Variants in BUB1B observed in about 807,000 individuals in gnomAD.
BUB1B encodes the protein mitotic checkpoint serine/threonine-protein kinase BUB1 beta.
BUB1B carries 86 observed loss-of-function variants against 137.7 expected under a neutral mutation model. The observed-to-expected ratio is 0.62, with a 90% CI of 0.52 to 0.75. The LOEUF is 0.75. BUB1B is among the 30% of genes least tolerant of loss of function. The pLI is 0.00. For synonymous variants in BUB1B, 420 were observed against 417.9 expected (o/e 1.00, Z -0.06); for missense variants, 1,130 against 1,236.9 (o/e 0.91, Z 1.30).
At position 40,161,243 on chromosome 15, in the gene BUB1B, G is replaced by T. The variant is rs554782320; in HGVS notation, c.23G>T (p.Gly8Val). MAAVKKE[G>V]GALSEAMSLE... ...AGGATGGCGGCGGTGAAGAAGGAAG[G>T]GGGTGCTCTGAGGTAGGTACGGGAG... The change falls in exon 1 of 23, where the codon GGG becomes GTG. Residue 8 changes from glycine to valine, a missense_variant. Coordinates refer to ENST00000287598, the MANE Select transcript of BUB1B (RefSeq NM_001211.6). The T allele has an allele frequency of 1.9e-6, 3 of 1,613,146 alleles. No individual in the cohort carries two copies. The South Asian group carries it at 3.3e-5, about 18-fold the overall frequency.
intron 8 of BUB1B, among the ~76,000 whole-genome samples, chr15:40,186,639 G>T (rs1158318275): frequency 6.6e-6 from 1 of 150,514 alleles, no homozygotes; most frequent in African/African-American, 2.4e-5. Flanking sequence ...TGGACACGGG[G>T]TTTCACCGTG....
At chr15:40,185,037 A>AT in intron 6 of BUB1B, 128 bp from the exon 7 acceptor site, 1 of 738,082 alleles carries the variant, frequency 1.4e-6, no homozygotes, top group Non-Finnish European at 2.2e-6. Flanking sequence ...TATTTTTAAA[A>AT]TTTCTTTTTT....
intron 4 of BUB1B, among the ~76,000 whole-genome samples, chr15:40,176,045 C>T (rs186703915): frequency 1.0e-3 from 157 of 152,188 alleles, no homozygotes; most frequent in Admixed American, 9.2e-3. Context: ...AACTCTTGGG[C>T]TCAAGTGATT....
At chr15:40,213,682 C>T (rs907698590) in intron 20 of BUB1B, among the ~76,000 whole-genome samples, 1 of 152,038 alleles carries the variant, frequency 6.6e-6, no homozygotes, top group Non-Finnish European at 1.5e-5. Context: ...ACCACAGGCG[C>T]GCACCACCAC....
chr15:40,184,312 C>CTT (rs566826994), intron 6 of BUB1B, among the ~76,000 whole-genome samples: 9,106 of 144,666 alleles, frequency 0.063, 888 homozygotes, highest in African/African-American at 0.21. Flanking sequence ...TTAACATGGA[C>CTT]TTTTTTTTTT....
At chr15:40,189,448 C>T (rs1395542746) in intron 8 of BUB1B, among the ~76,000 whole-genome samples, 1 of 152,244 alleles carries the variant, frequency 6.6e-6, no homozygotes, top group Non-Finnish European at 1.5e-5. Context: ...GCGTGAGCCA[C>T]TGCGTCCAGG....
chr15:40,206,270 C>T lies in BUB1B; in HGVS notation c.1821C>T (p.Asp607=), dbSNP rs1186519600. 6.2e-7 allele frequency: 1 copy of T among 1,614,158 alleles called. No homozygotes were observed. The highest frequency in any genetic ancestry group is 8.5e-7 in the Non-Finnish European group (1 of 1,180,028). The change falls in exon 15 of 23, where the codon GAC becomes GAT. Residue 607 remains aspartate, a synonymous_variant. Transcript: ENST00000287598. ...RNVTICPNPE[D]TCDFARAARF... The stretch of plus-strand genomic sequence containing the variant: ...TAACAATTTGTCCTAACCCAGAAGA[C>T]ACTTGTGACTTTGCCAGAGCAGCTC...
chr15:40,161,088 T>A lies in BUB1B; in HGVS notation c.-133T>A. 1 of 1,207,586 alleles carries A rather than the reference T, an allele frequency of 8.3e-7. No individual in the cohort carries two copies. The highest frequency in any genetic ancestry group is 1.2e-6 in the Non-Finnish European group (1 of 868,320). The allele number at this position is 1,207,586 out of a possible 1,614,324, so 74.8% of individuals were successfully genotyped here. A position where few individuals can be genotyped will look rare whatever the true frequency, so the allele number is the denominator to read the frequency against. On this transcript the variant is annotated 5_prime_UTR_variant, in exon 1 of 23. Coordinates refer to ENST00000287598, the MANE Select transcript of BUB1B (RefSeq NM_001211.6). ...AGGGGTGTGGGCTTGAGGTGGCCGG[T>A]TTGTTAGGGAGTCGTGTACGTGCCT...
intron 1 of BUB1B, among the ~76,000 whole-genome samples, chr15:40,162,791 A>T (rs1387417223): frequency 6.6e-6 from 1 of 152,134 alleles, no homozygotes; most frequent in Non-Finnish European, 1.5e-5. Context: ...AGTGTAATTC[A>T]CTATTTTTAA....
intron 18 of BUB1B, among the ~76,000 whole-genome samples, chr15:40,210,635 G>A (rs2037699409): frequency 1.3e-5 from 2 of 151,942 alleles, no homozygotes; most frequent in Admixed American, 1.3e-4. Flanking sequence ...TCAGCCTCTG[G>A]AATAGCTGGG....
At chr15:40,215,425 T>A (rs2037763487) in intron 20 of BUB1B, among the ~76,000 whole-genome samples, 1 of 151,652 alleles carries the variant, frequency 6.6e-6, no homozygotes, top group Admixed American at 6.6e-5. Flanking sequence ...TGAACTGAGA[T>A]CGCACCATTG....
rs575832155 is a variant in BUB1B at position 40,175,947 on chromosome 15, C to G, written c.385-530C>G. Among the ~76,000 whole-genome samples the G allele has an allele frequency of 1.1e-4, 17 of 152,184 alleles. No homozygotes were observed. In the South Asian group the frequency reaches 2.3e-3, roughly 20 times the overall value. On this transcript the variant is annotated intron_variant, in intron 4 of 22. Transcript: ENST00000287598. ...CTCAAATGTTAACCCCTTCCTCCCC[C>G]CTTTTTTTAATTTTCTTTAGAGACA...
At chr15:40,212,393 C>A in intron 18 of BUB1B, 106 bp from the exon 19 acceptor site, 1 of 855,796 alleles carries the variant, frequency 1.2e-6, no homozygotes, top group East Asian at 2.4e-5. Context: ...TTAAAAATAT[C>A]TCTTTATTAT....
intron 6 of BUB1B, 132 bp from the exon 7 acceptor site, chr15:40,185,033 T>A (rs994180983): frequency 1.4e-6 from 1 of 722,976 alleles, no homozygotes; most frequent in Admixed American, 2.9e-5. Flanking sequence ...AGATTATTTT[T>A]AAAATTTCTT....
intron 2 of BUB1B, among the ~76,000 whole-genome samples, chr15:40,168,507 G>A (rs1025267108): frequency 2.6e-5 from 4 of 152,148 alleles, no homozygotes; most frequent in Non-Finnish European, 4.4e-5. Flanking sequence ...TACCATTTCT[G>A]CAGATAATCT....
intron 20 of BUB1B, among the ~76,000 whole-genome samples, chr15:40,216,099 T>G (rs1663056443): frequency 6.6e-6 from 1 of 152,078 alleles, no homozygotes; most frequent in African/African-American, 2.4e-5. Context: ...TTCTTTTTAT[T>G]AATCTATGAG....
At chr15:40,178,215 CCTTCTAAGCACTG>C (rs2037244265) in intron 5 of BUB1B, among the ~76,000 whole-genome samples, 1 of 151,942 alleles carries the variant, frequency 6.6e-6, no homozygotes, top group Non-Finnish European at 1.5e-5. Context: ...CTCTAAATTC[CCTTCTAAGCACTG>C]CTTTAGTTGT....
rs563862107 is a variant in BUB1B, at chr15:40,200,380, G to A, written c.1517+21G>A. 3.7e-5 allele frequency: 58 copies of A among 1,584,364 alleles called. No individual in the cohort carries two copies. In the Middle Eastern group the frequency reaches 5.0e-4, roughly 14 times the overall value. On this transcript the variant is annotated intron_variant, in intron 11 of 22. Coordinates refer to ENST00000287598, the MANE Select transcript of BUB1B (RefSeq NM_001211.6). ...GCCAGGTAAGACTACATAGGTGGAA[G>A]GGACAATGCATATAGGAGGGCATTT...
Position 40,209,702 on chromosome 15 carries a change from AAGTGCCTCTGCAG to A in BUB1B, c.2215_2227del (p.Ala739CysfsTer3). ...AGCTACTGAAGTCCCTACCAGAGTT[AAGTGCCTCTGCAG>A]AGTTGTGTATAGAAGACAGACCAAT... On this transcript the variant is annotated frameshift_variant, in exon 17 of 23. Coordinates refer to ENST00000287598, the MANE Select transcript of BUB1B (RefSeq NM_001211.6). LOFTEE classifies it high-confidence loss of function. The A allele has an allele frequency of 6.2e-7, 1 of 1,614,150 alleles. No homozygotes were observed. The highest frequency in any genetic ancestry group is 8.5e-7 in the Non-Finnish European group (1 of 1,179,998).
Sources: allele counts gnomAD v4.1 joint callset (sites outside exome capture counted in the v4.1 genomes callset), GRCh38; gene constraint gnomAD v4.1.1; transcripts MANE v1.5; gene names NCBI Gene and HGNC (gene_info 2026-07-23, HGNC 2026-07-21).